Variants in PUM2 observed in about 807,000 individuals in gnomAD.
The protein encoded by PUM2 is pumilio RNA binding family member 2, also known as pumilio homolog 2.
PUM2 carries 57 observed loss-of-function variants against 124.5 expected under a neutral mutation model. That is an observed-to-expected ratio of 0.46 (90% CI 0.37 to 0.57). The LOEUF is 0.57. Ranked by LOEUF, PUM2 falls within the 20% of genes least tolerant of loss-of-function variation. PUM2 has a pLI of 0.00. For missense variants in PUM2, 1,065 were observed against 1,290.6 expected (o/e 0.83, Z 2.68); for synonymous variants, 460 against 446.1 (o/e 1.03, Z -0.39).
At chr2:20,292,238 C>T (rs767341368) in intron 9 of PUM2, among the ~76,000 whole-genome samples, 2 of 151,400 alleles carry the variant, frequency 1.3e-5, no homozygotes, top group Non-Finnish European at 2.9e-5. Flanking sequence ...GCTGGCCCCA[C>T]GTCAGTGCAC....
chr2:20,298,197 G>C (rs968473600), intron 7 of PUM2, among the ~76,000 whole-genome samples: 10 of 152,252 alleles, frequency 6.6e-5, no homozygotes, highest in African/African-American at 2.4e-4. Flanking sequence ...AAGTGCTCTG[G>C]GCACAGAGAG....
rs1013556219 is a variant in PUM2 at position 20,283,989 on chromosome 2, TAG to T, written c.1292-505_1292-504del. Reference sequence around the variant, plus strand: ...ATTCTATTTGTGAAGATTCTCAAGCTAGAGTTTAATTAAAAATCACACAGGCT... The same window carrying T: ...ATTCTATTTGTGAAGATTCTCAAGCTAGTTTAATTAAAAATCACACAGGCT... On this transcript the variant is annotated intron_variant, in intron 10 of 20. Transcript: ENST00000361078. 3.3e-5 allele frequency among the ~76,000 whole-genome samples: 5 copies of T among 152,360 alleles called. No individual in the cohort carries two copies. In the East Asian group the frequency reaches 9.6e-4, roughly 29 times the overall value.
chr2:20,258,475 T>A, intron 15 of PUM2, 104 bp from the exon 16 acceptor site: 1 of 1,142,600 alleles, frequency 8.8e-7, no homozygotes, highest in Non-Finnish European at 1.2e-6. Flanking sequence ...AGTAACTATG[T>A]AGGGCAGGGG....
intron 1 of PUM2, among the ~76,000 whole-genome samples, chr2:20,330,026 TAC>T (rs905346000): frequency 2.2e-4 from 33 of 151,618 alleles, no homozygotes; most frequent in African/African-American, 7.0e-4. Flanking sequence ...ATTCCACACT[TAC>T]AGTCATTATA....
intron 13 of PUM2, among the ~76,000 whole-genome samples, chr2:20,271,769 T>C (rs1290802427): frequency 3.9e-5 from 6 of 152,238 alleles, no homozygotes; most frequent in African/African-American, 1.4e-4. Flanking sequence ...TCACAATAGG[T>C]TAAATTATAT....
chr2:20,267,954 G>A (rs377235368), intron 13 of PUM2, among the ~76,000 whole-genome samples: 2 of 152,194 alleles, frequency 1.3e-5, no homozygotes, highest in South Asian at 2.1e-4. Context: ...CAAGACCTCC[G>A]TATCTACAAG....
At chr2:20,333,905 A>G (rs897040870) in intron 1 of PUM2, among the ~76,000 whole-genome samples, 1 of 152,092 alleles carries the variant, frequency 6.6e-6, no homozygotes, top group African/African-American at 2.4e-5. Flanking sequence ...AGTTTTTCTA[A>G]GATCTAGTTG....
chr2:20,334,036 G>A (rs186176188), intron 1 of PUM2, among the ~76,000 whole-genome samples: 10 of 152,248 alleles, frequency 6.6e-5, no homozygotes, highest in Non-Finnish European at 1.2e-4. Flanking sequence ...AGAAGTAGAA[G>A]CCACTATGCT....
At chr2:20,279,439 C>T (rs1395106772) in intron 12 of PUM2, among the ~76,000 whole-genome samples, 5 of 152,046 alleles carry the variant, frequency 3.3e-5, no homozygotes, top group Non-Finnish European at 5.9e-5. Flanking sequence ...CAAAGTAACT[C>T]GACTTTTCTA....
At chr2:20,262,055 A>G (rs1470758206) in intron 14 of PUM2, among the ~76,000 whole-genome samples, 1 of 152,160 alleles carries the variant, frequency 6.6e-6, no homozygotes, top group African/African-American at 2.4e-5. Flanking sequence ...TGATCATGCT[A>G]CTGTATTCCA....
At chr2:20,315,000 G>A (rs72787491) in intron 3 of PUM2, among the ~76,000 whole-genome samples, 4,769 of 147,096 alleles carry the variant, frequency 0.032, 108 homozygotes, top group Non-Finnish European at 0.05. Flanking sequence ...GCAAAAGTAC[G>A]AAAGATGGGC....
intron 13 of PUM2, among the ~76,000 whole-genome samples, chr2:20,271,474 C>A (rs929446585): frequency 6.6e-6 from 1 of 152,016 alleles, no homozygotes; most frequent in Non-Finnish European, 1.5e-5. Context: ...TCACCGCACC[C>A]GGCTAATTTT....
At chr2:20,297,438 G>T in intron 8 of PUM2, 115 bp downstream of exon 8, 1 of 1,022,204 alleles carries the variant, frequency 9.8e-7, no homozygotes, top group Non-Finnish European at 1.3e-6. Flanking sequence ...TCTGGATAAT[G>T]TTTCAGTTTT....
chr2:20,325,183 G>A (rs1017754080), intron 2 of PUM2, among the ~76,000 whole-genome samples: 7 of 152,216 alleles, frequency 4.6e-5, no homozygotes, highest in East Asian at 1.9e-4. Context: ...AGAAATCTCA[G>A]TAGGTTTTTC....
intron 13 of PUM2, among the ~76,000 whole-genome samples, chr2:20,275,285 T>A (rs996950595): frequency 2.0e-5 from 3 of 151,890 alleles, no homozygotes; most frequent in African/African-American, 7.2e-5. Context: ...ATATCAATTA[T>A]CCCCAAAATC....
intron 14 of PUM2, among the ~76,000 whole-genome samples, chr2:20,262,365 G>C (rs574331167): frequency 6.6e-6 from 1 of 152,094 alleles, no homozygotes; most frequent in Non-Finnish European, 1.5e-5. Context: ...TGTTTATTAT[G>C]CGTAGGTATA....
intron 1 of PUM2, among the ~76,000 whole-genome samples, chr2:20,333,675 G>A (rs1195871735): frequency 6.6e-6 from 1 of 152,164 alleles, no homozygotes; most frequent in Non-Finnish European, 1.5e-5. Flanking sequence ...CACTTTGGGA[G>A]GCCAATATAG....
At chr2:20,266,993 T>C (rs1244467193) in intron 13 of PUM2, among the ~76,000 whole-genome samples, 2 of 152,092 alleles carry the variant, frequency 1.3e-5, no homozygotes. Flanking sequence ...CATACACTAA[T>C]GTACTTTTGA....
chr2:20,253,331 G>C (rs1285027180), intron 20 of PUM2, among the ~76,000 whole-genome samples: 2 of 152,088 alleles, frequency 1.3e-5, no homozygotes, highest in Non-Finnish European at 2.9e-5. Context: ...TCAGCTGCCT[G>C]AGTAGCTGGG....
Sources: gnomAD v4.1 joint callset for allele counts (sites outside exome capture counted in the v4.1 genomes callset) on GRCh38, gnomAD v4.1.1 for gene constraint, MANE v1.5 for transcripts, NCBI Gene and HGNC (gene_info 2026-07-23, HGNC 2026-07-21) for gene names.